The following ZNF696 variants were observed in gnomAD, a reference collection of about 807,000 sequenced individuals.
ZNF696 encodes the protein zinc finger protein 696.
In ZNF696, 10 loss-of-function variants were observed where a neutral mutation model predicts 12.3. The observed-to-expected ratio is 0.81, with a 90% CI of 0.50 to 1.38. ZNF696 has a LOEUF of 1.38. ZNF696 is among the 40% of genes most tolerant of loss of function. The pLI is 0.00. For missense variants in ZNF696, 675 were observed against 554.7 expected (o/e 1.22, Z -2.18); for synonymous variants, 304 against 243.9 (o/e 1.25, Z -2.29).
chr8:143,295,881 G>T lies in ZNF696; in HGVS notation c.206G>T (p.Gly69Val). 1 of 1,563,844 alleles carries T rather than the reference G, an allele frequency of 6.4e-7. No homozygotes were observed. The highest frequency in any genetic ancestry group is 8.7e-7 in the Non-Finnish European group (1 of 1,153,418). The change falls in exon 3 of 3, where the codon GGG (glycine) becomes GTG (valine). Residue 69 changes from glycine (G) to valine (V), a missense_variant. Transcript: ENST00000330143. Reference sequence around the variant, plus strand: ...AGAGGGGGGCCTCCCCGGGCGTTGGGGTCTCTTGGCCTTTGTGAAAACCAG... The same window carrying T: ...AGAGGGGGGCCTCCCCGGGCGTTGGTGTCTCTTGGCCTTTGTGAAAACCAG... The part of the protein sequence containing the change: ...GHRGGPPRAL[G>V]SLGLCENQEA...
Position 143,298,527 on chromosome 8 carries a change from G to A in ZNF696, c.*1727G>A, listed in dbSNP as rs535541247. 2.0e-5 allele frequency among the ~76,000 whole-genome samples: 3 copies of A among 152,240 alleles called. No individual in the cohort carries two copies. The highest frequency in any genetic ancestry group is 4.4e-5 in the Non-Finnish European group (3 of 68,026). ...AGCCTCATTCCTGCTCGTAAGTCAG[G>A]CATTCAGCTTGCAAAGATCCCCAAG... On this transcript the variant is annotated 3_prime_UTR_variant, in exon 3 of 3. Coordinates refer to ENST00000330143, the MANE Select transcript of ZNF696 (RefSeq NM_030895.3).
At chr8:143,292,906 C>A in intron 1 of ZNF696, 66 bp from the exon 2 acceptor site, 1 of 1,415,298 alleles carries the variant, frequency 7.1e-7, no homozygotes, top group Non-Finnish European at 9.7e-7. Context: ...ATTCTGACCT[C>A]ACTGCCCCTG....
chr8:143,292,860 C>T, intron 1 of ZNF696, 112 bp from the exon 2 acceptor site: 1 of 876,332 alleles, frequency 1.1e-6, no homozygotes, highest in South Asian at 1.7e-5. Flanking sequence ...TGATGCAGCT[C>T]CCACAGGGCC....
At position 143,297,368 on chromosome 8, in the gene ZNF696, G is replaced by A. The variant is rs1315946075; in HGVS notation, c.*568G>A. ...GTGTGCTTAGAAAATTATGGAACTT[G>A]GCCGGGTGCGGTGGCTCCCGCCTGT... is the stretch of plus-strand genomic sequence containing the variant. On this transcript the variant is annotated 3_prime_UTR_variant, in exon 3 of 3. Coordinates refer to ENST00000330143, the MANE Select transcript of ZNF696 (RefSeq NM_030895.3). 6.6e-6 allele frequency: 1 copy of A among 152,386 alleles called. No homozygotes were observed. The highest frequency in any genetic ancestry group is 1.5e-5 in the Non-Finnish European group (1 of 68,170). 9.4% of individuals were successfully genotyped at this position (152,386 alleles called of 1,614,324 possible).
chr8:143,295,262 G>A (rs1396476494), intron 2 of ZNF696: 2 of 445,860 alleles, frequency 4.5e-6, no homozygotes, highest in African/African-American at 2.0e-5. Context: ...CAGAGCCTGC[G>A]TTTCTGTCCC....
rs1815749961 is a variant in ZNF696 at position 143,298,076 on chromosome 8, C to G, written c.*1276C>G. On this transcript the variant is annotated 3_prime_UTR_variant, in exon 3 of 3. Transcript: ENST00000330143. Reference sequence around the variant, plus strand: ...GTCATCATGAATTAAGCGAGGTGGGCTTTGAGTTTCTTGGGATGACAGGGA... The same window carrying G: ...GTCATCATGAATTAAGCGAGGTGGGGTTTGAGTTTCTTGGGATGACAGGGA... 6.6e-6 allele frequency: 1 copy of G among 152,062 alleles called. No homozygotes were observed. Among genetic ancestry groups the G allele is most frequent in the Non-Finnish European group, 1.5e-5 (1 of 68,012 alleles). The allele number at this position is 152,062 out of a possible 1,614,324, so 9.4% of individuals were successfully genotyped here.
In ZNF696 at chr8:143,298,869, G is replaced by A. The variant is rs951778961; in HGVS notation, c.*2069G>A. On this transcript the variant is annotated 3_prime_UTR_variant, in exon 3 of 3. Transcript: ENST00000330143. ...AGCCTAGGAGTTCAAGACCAGCCTAGGCAACATAGGGCTGGGCACGGTGGC... is the reference window on the plus strand; with the variant it reads ...AGCCTAGGAGTTCAAGACCAGCCTAAGCAACATAGGGCTGGGCACGGTGGC... Among the ~76,000 whole-genome samples the A allele has an allele frequency of 2.0e-5, 3 of 152,184 alleles. No individual in the cohort carries two copies. The highest frequency in any genetic ancestry group is 7.2e-5 in the African/African-American group (3 of 41,430).
chr8:143,295,809 G>C lies in ZNF696; in HGVS notation c.134G>C (p.Ser45Thr). 5.0e-6 allele frequency: 8 copies of C among 1,601,250 alleles called. No individual in the cohort carries two copies. Among genetic ancestry groups the C allele is most frequent in the Non-Finnish European group, 6.8e-6 (8 of 1,175,132 alleles). The change falls in exon 3 of 3, where the codon AGC becomes ACC. Residue 45 changes from serine (S) to threonine (T), a missense_variant. Transcript: ENST00000330143. ...TCAGCCGAGGTGCAGGCAGCTCAGA[G>C]CACGGAGCCTGCCGCAGAGGCAGGC... ...SRSAEVQAAQ[S>T]TEPAAEAGAP...
Position 143,293,010 on chromosome 8 carries a change from A to G in ZNF696, c.9A>G (p.Pro3=). ...TGCTGGTGTTCTGCAAGATGGAGCC[A>G]GGAGGAGAGCCCACAGGTGCTAAAG... ME[P]GGEPTGAKES... Residue 3 remains proline, a synonymous_variant, in exon 2 of 3, where the codon CCA becomes CCG. Transcript: ENST00000330143. 6.2e-7 allele frequency: 1 copy of G among 1,614,026 alleles called. No individual in the cohort carries two copies. The highest frequency in any genetic ancestry group is 8.5e-7 in the Non-Finnish European group (1 of 1,179,996).
In ZNF696 at chr8:143,295,727, G is replaced by C. The variant is rs1278362748; in HGVS notation, c.65-13G>C. ...TTACATCTAAAATCGTTCCTGTCTG[G>C]CCTCTTTTTCAGCTGTGAAGGCTGC... On this transcript the variant is annotated splice_polypyrimidine_tract_variant and intron_variant, in intron 2 of 2. Transcript: ENST00000330143. 1 of 1,563,286 alleles carries C rather than the reference G, an allele frequency of 6.4e-7. No individual in the cohort carries two copies. The highest frequency in any genetic ancestry group is 2.0e-5 in the Admixed American group (1 of 49,808).
chr8:143,295,270 C>T (rs564790462), intron 2 of ZNF696: 1 of 449,560 alleles, frequency 2.2e-6, no homozygotes, highest in Admixed American at 2.4e-5. Context: ...GCGTTTCTGT[C>T]CCCTCCCCTC....
Position 143,296,456 on chromosome 8 carries a change from G to C in ZNF696, c.781G>C (p.Gly261Arg), listed in dbSNP as rs1815717143. The C allele has an allele frequency of 7.5e-6, 12 of 1,607,786 alleles. No homozygotes were observed. Among genetic ancestry groups the C allele is most frequent in the Non-Finnish European group, 1.0e-5 (12 of 1,178,814 alleles). ...NVVRHRRTHH[G>R]ENPYECRECG... ...GGTCCGGCACCGGCGGACCCACCAC[G>C]GGGAGAACCCGTACGAGTGCCGGGA... The change falls in exon 3 of 3, where the codon GGG becomes CGG. Residue 261 changes from glycine to arginine, a missense_variant. Coordinates refer to ENST00000330143, the MANE Select transcript of ZNF696 (RefSeq NM_030895.3).
At chr8:143,295,687 T>A in intron 2 of ZNF696, 53 bp from the exon 3 acceptor site, 1 of 1,481,552 alleles carries the variant, frequency 6.7e-7, no homozygotes, top group Non-Finnish European at 9.0e-7. Flanking sequence ...AGAGCCACCC[T>A]CGACTCACGT....
At position 143,293,066 on chromosome 8, in the gene ZNF696, G is replaced by C; in HGVS notation, c.64+1G>C. The C allele has an allele frequency of 6.2e-7, 1 of 1,613,352 alleles. No individual in the cohort carries two copies. The highest frequency in any genetic ancestry group is 8.5e-7 in the Non-Finnish European group (1 of 1,179,470). On this transcript the variant is annotated splice_donor_variant, in intron 2 of 2. Coordinates refer to ENST00000330143, the MANE Select transcript of ZNF696 (RefSeq NM_030895.3). LOFTEE classifies it high-confidence loss of function. ...AGTACCCTGATGGAGTCCCTTGCAG[G>C]TGAGGGGACATGTCCACAGTCGGGC...
chr8:143,293,877 A>T (rs1189158230), intron 2 of ZNF696, among the ~76,000 whole-genome samples: 3 of 152,180 alleles, frequency 2.0e-5, no homozygotes, highest in Non-Finnish European at 4.4e-5. Context: ...AAGGGCAGAG[A>T]GAGGTGGGGA....
At chr8:143,292,666 C>T (rs1815646804) in intron 1 of ZNF696, among the ~76,000 whole-genome samples, 1 of 152,242 alleles carries the variant, frequency 6.6e-6, no homozygotes, top group South Asian at 2.1e-4. Context: ...CGCGGGCTTC[C>T]TCAGCATGGA....
chr8:143,295,226 G>A (rs1815687464), intron 2 of ZNF696, among the ~76,000 whole-genome samples: 1 of 152,192 alleles, frequency 6.6e-6, no homozygotes, highest in Admixed American at 6.5e-5. Flanking sequence ...TGCTTTCCCA[G>A]CTGTCCCGCA....
At position 143,296,795 on chromosome 8, in the gene ZNF696, G is replaced by A. The variant is rs1359351745; in HGVS notation, c.1120G>A (p.Glu374Lys). The A allele has an allele frequency of 8.5e-6, 12 of 1,406,438 alleles. No homozygotes were observed. The highest frequency in any genetic ancestry group is 2.8e-5 in the East Asian group (1 of 35,184). 87.1% of individuals were successfully genotyped at this position (1,406,438 alleles called of 1,614,324 possible). ...CCAGCACCGGCGGGTGCATGGCGCC[G>A]AGTGAGCCGGGGCTGCGGCGGAAGA... ...LIQHRRVHGA[E>K] The change falls in exon 3 of 3, where the codon GAG becomes AAG. Residue 374 changes from glutamate to lysine, a missense_variant. Physicochemically the swap from Glu to Lys is moderately conservative, Grantham distance 56. Coordinates refer to ENST00000330143, the MANE Select transcript of ZNF696 (RefSeq NM_030895.3).
chr8:143,293,334 A>G, intron 2 of ZNF696: 1 of 548,352 alleles, frequency 1.8e-6, no homozygotes. Flanking sequence ...GTGCTTCTCC[A>G]CCTTGGCACC....
Sources: gnomAD v4.1 joint callset for allele counts (sites outside exome capture counted in the v4.1 genomes callset) on GRCh38, gnomAD v4.1.1 for gene constraint, MANE v1.5 for transcripts, NCBI Gene and HGNC (gene_info 2026-07-23, HGNC 2026-07-21) for gene names.